The following ONECUT1 variants were observed in gnomAD, a reference collection of about 807,000 sequenced individuals.
ONECUT1 encodes the protein hepatocyte nuclear factor 6.
A neutral mutation model predicts 25.6 loss-of-function variants in ONECUT1; 12 were observed. That is an observed-to-expected ratio of 0.47 (90% confidence interval 0.30 to 0.76). The LOEUF (loss-of-function observed/expected upper bound fraction) is 0.76, where lower values mean the gene tolerates loss of function less well. Among genes scored for constraint, ONECUT1 ranks in the 30% least tolerant of loss-of-function variants. The probability of loss-of-function intolerance (pLI) is 0.07; values close to 1 mark genes in which losing one functional copy is unlikely to be tolerated. For synonymous variants in ONECUT1, 285 were observed against 270.2 expected (o/e 1.05, Z -0.54); for missense variants, 620 against 651.2 (o/e 0.95, Z 0.52).
Position 52,788,585 on chromosome 15 carries a change from C to T in ONECUT1, c.1105+195G>A. On this transcript the variant is annotated intron_variant, in intron 1 of 1. Transcript: ENST00000305901. This position sits in a 1 kb window ranked among gnomAD's most constrained non-coding sequence, Gnocchi z 4.3. ...GCTCTCGGAGCCTTCCACAGCCCAA[C>T]ACCCTGAGCCCTGGAGTAGGCAATT... is the stretch of plus-strand genomic sequence containing the variant. 1.6e-6 allele frequency: 1 copy of T among 613,672 alleles called. No homozygotes were observed. Among genetic ancestry groups the T allele is most frequent in the Non-Finnish European group, 2.8e-6 (1 of 358,156 alleles). The allele number at this position is 613,672 out of a possible 1,614,324, so 38.0% of individuals were successfully genotyped here.
intron 1 of ONECUT1, among the ~76,000 whole-genome samples, chr15:52,774,122 TACACACACAC>T (rs35891922): frequency 6.7e-4 from 92 of 137,778 alleles, no homozygotes; most frequent in South Asian, 1.5e-3. Flanking sequence ...ATTGGAAGGA[TACACACACAC>T]ACACACACAC....
rs2083889417 is a variant in ONECUT1, at chr15:52,788,178, A to G, written c.1105+602T>C. 6.5e-6 allele frequency: 1 copy of G among 153,302 alleles called. No homozygotes were observed. The highest frequency in any genetic ancestry group is 1.5e-5 in the Non-Finnish European group (1 of 68,710). The allele number at this position is 153,302 out of a possible 1,614,324, so 9.5% of individuals were successfully genotyped here. Reference sequence around the variant, plus strand: ...ATGCGCAGAGAGCGTCCTAACCCTTACAACTCGTCTGTGCTACACACCCAC... The same window carrying G: ...ATGCGCAGAGAGCGTCCTAACCCTTGCAACTCGTCTGTGCTACACACCCAC... On this transcript the variant is annotated intron_variant, in intron 1 of 1. Transcript: ENST00000305901. This position sits in a 1 kb window ranked among gnomAD's most constrained non-coding sequence, Gnocchi z 4.3.
intron 1 of ONECUT1, among the ~76,000 whole-genome samples, chr15:52,758,954 A>G (rs1469567301): frequency 6.6e-6 from 1 of 152,090 alleles, no homozygotes; most frequent in East Asian, 1.9e-4. Flanking sequence ...CATACAACCC[A>G]AGTAAAAATA....
intron 1 of ONECUT1, among the ~76,000 whole-genome samples, chr15:52,779,735 C>CTGGG (rs1254029621): frequency 1.3e-5 from 2 of 152,212 alleles, no homozygotes; most frequent in Non-Finnish European, 2.9e-5. Flanking sequence ...TACTAAGACT[C>CTGGG]TGGGAACGAT....
chr15:52,765,789 T>C (rs908381450), intron 1 of ONECUT1, among the ~76,000 whole-genome samples: 2 of 152,314 alleles, frequency 1.3e-5, no homozygotes, highest in Admixed American at 1.3e-4. Flanking sequence ...GCAGTGTATA[T>C]TTTTATAAGC....
At chr15:52,778,194 G>A (rs1346041529) in intron 1 of ONECUT1, among the ~76,000 whole-genome samples, 3 of 152,090 alleles carry the variant, frequency 2.0e-5, no homozygotes, top group African/African-American at 4.8e-5. Context: ...AAAAGAACTA[G>A]AACATTAGTT....
intron 1 of ONECUT1, among the ~76,000 whole-genome samples, chr15:52,776,663 C>G (rs1279386940): frequency 6.6e-6 from 1 of 152,160 alleles, no homozygotes; most frequent in Non-Finnish European, 1.5e-5. Flanking sequence ...CTGGCTGCTC[C>G]CACAGAACTT....
At chr15:52,764,419 A>G (rs1049080246) in intron 1 of ONECUT1, among the ~76,000 whole-genome samples, 2 of 152,232 alleles carry the variant, frequency 1.3e-5, no homozygotes, top group African/African-American at 4.8e-5. Flanking sequence ...GTGAGGTGAG[A>G]GAAGCCATCG....
intron 1 of ONECUT1, among the ~76,000 whole-genome samples, chr15:52,783,704 A>C (rs2083855721): frequency 6.6e-6 from 1 of 152,044 alleles, no homozygotes; most frequent in South Asian, 2.1e-4. Flanking sequence ...CTCAGCTCCA[A>C]CCTCCGACTT....
chr15:52,773,051 C>T (rs1282220395), intron 1 of ONECUT1, among the ~76,000 whole-genome samples: 1 of 152,076 alleles, frequency 6.6e-6, no homozygotes, highest in Non-Finnish European at 1.5e-5. Flanking sequence ...TAACAAGCTC[C>T]CAAGTGATGC....
chr15:52,760,783 G>A (rs1258938652), intron 1 of ONECUT1, among the ~76,000 whole-genome samples: 2 of 152,078 alleles, frequency 1.3e-5, no homozygotes, highest in South Asian at 2.1e-4. Context: ...GGTAGGGGGA[G>A]GCATGAGTAA....
chr15:52,770,058 C>CT (rs1258357001), intron 1 of ONECUT1, among the ~76,000 whole-genome samples: 2 of 152,170 alleles, frequency 1.3e-5, no homozygotes, highest in Non-Finnish European at 1.5e-5. Flanking sequence ...TGGCAACTGC[C>CT]AAGCCATTGG....
intron 1 of ONECUT1, among the ~76,000 whole-genome samples, chr15:52,773,467 A>G (rs1010126907): frequency 6.6e-6 from 1 of 152,226 alleles, no homozygotes; most frequent in Non-Finnish European, 1.5e-5. Flanking sequence ...TGATGTGTAT[A>G]CACATATTTG....
chr15:52,761,379 A>C (rs1207347892), intron 1 of ONECUT1, among the ~76,000 whole-genome samples: 1 of 152,112 alleles, frequency 6.6e-6, no homozygotes, highest in East Asian at 1.9e-4. Flanking sequence ...AAGTCAGAAA[A>C]CCACCGTAGG....
chr15:52,769,598 C>A lies in ONECUT1; in HGVS notation c.1106-11751G>T, dbSNP rs76784970. Among the ~76,000 whole-genome samples, 1,515 of 152,248 alleles carry A rather than the reference C, an allele frequency of 1.0e-2. 6 individuals carry two copies. The highest frequency in any genetic ancestry group is 0.016 in the Non-Finnish European group (1,091 of 68,010). ...TTGGCTGAGTCCTTGGTATTGCCAC[C>A]ACTCCTATAACTGGGTCTGAAGTGA... On this transcript the variant is annotated intron_variant, in intron 1 of 1. Transcript: ENST00000305901.
In ONECUT1 at chr15:52,788,757, G is replaced by T. The variant is rs766143023; in HGVS notation, c.1105+23C>A. 14 of 1,590,958 alleles carry T rather than the reference G, an allele frequency of 8.8e-6. No homozygotes were observed. The highest frequency in any genetic ancestry group is 4.5e-5 in the East Asian group (2 of 44,654). On this transcript the variant is annotated intron_variant, in intron 1 of 1. Coordinates refer to ENST00000305901, the MANE Select transcript of ONECUT1 (RefSeq NM_004498.4). This position sits in a 1 kb window ranked among gnomAD's most constrained non-coding sequence, Gnocchi z 4.3. ...CTTTCGTGTACCTTATCTCCCGCGC[G>T]CCCAGCTCCTTGGCCGGCTCACCTG...
intron 1 of ONECUT1, among the ~76,000 whole-genome samples, chr15:52,772,122 C>T (rs1156740718): frequency 4.0e-5 from 6 of 151,568 alleles, no homozygotes; most frequent in South Asian, 2.1e-4. Context: ...TGGCCGGGTG[C>T]GGTGGCTCAC....
At chr15:52,771,438 TGTG>T (rs1316204240) in intron 1 of ONECUT1, among the ~76,000 whole-genome samples, 1,409 of 69,166 alleles carry the variant, frequency 0.02, 27 homozygotes, top group African/African-American at 0.11. Context: ...AAAAAGCAAG[TGTG>T]TGTGTGTGTG....
At chr15:52,787,433 G>A (rs991511893) in intron 1 of ONECUT1, among the ~76,000 whole-genome samples, 1 of 152,122 alleles carries the variant, frequency 6.6e-6, no homozygotes, top group African/African-American at 2.4e-5. Flanking sequence ...GGAGGAGGGG[G>A]CTTTGGCCTC....
Sources: gnomAD v4.1 joint callset for allele counts (sites outside exome capture counted in the v4.1 genomes callset) on GRCh38, gnomAD v4.1.1 for gene constraint, Gnocchi (gnomAD v3.1) non-coding constraint, MANE v1.5 for transcripts, NCBI Gene and HGNC (gene_info 2026-07-23, HGNC 2026-07-21) for gene names.